Variants in ATRN observed in about 807,000 individuals in gnomAD.
The protein encoded by ATRN is attractin-2.
Under a neutral mutation model 178.7 loss-of-function variants are expected in ATRN, and 54 were observed. That is an observed-to-expected ratio of 0.30 (90% CI 0.24 to 0.38). The LOEUF is 0.38. Among genes scored for constraint, ATRN ranks in the 10% least tolerant of loss-of-function variants. The pLI is 1.00. For synonymous variants in ATRN, 636 were observed against 663.0 expected, an observed-to-expected ratio of 0.96 and a Z score of 0.63; for missense variants, 1,443 against 1,815.1, an observed-to-expected ratio of 0.79 and a Z score of 3.73.
chr20:3,535,616 CACACACACACATAT>C (rs920163544), intron 2 of ATRN, among the ~76,000 whole-genome samples: 1 of 145,230 alleles, frequency 6.9e-6, no homozygotes, highest in South Asian at 2.1e-4. Context: ...CACACACACA[CACACACACACATAT>C]ATATTTATTT....
intron 19 of ATRN, 70 bp from the exon 20 acceptor site, chr20:3,594,409 T>G: frequency 7.5e-7 from 1 of 1,335,972 alleles, no homozygotes; most frequent in African/African-American, 1.4e-5. Context: ...TTGCTTGTTT[T>G]GGAAAAAGTC....
At chr20:3,506,685 C>T (rs576836693) in intron 1 of ATRN, among the ~76,000 whole-genome samples, 6 of 150,412 alleles carry the variant, frequency 4.0e-5, no homozygotes, top group African/African-American at 1.5e-4. Context: ...TGGAACAGAC[C>T]AGAAAAGGCC....
At chr20:3,499,753 C>A (rs544149702) in intron 1 of ATRN, among the ~76,000 whole-genome samples, 2 of 150,936 alleles carry the variant, frequency 1.3e-5, no homozygotes, top group East Asian at 1.9e-4. Context: ...CTAGGCATTA[C>A]CATTCAGGAC....
chr20:3,530,628 C>T (rs1232761601), intron 1 of ATRN, among the ~76,000 whole-genome samples: 4 of 151,680 alleles, frequency 2.6e-5, no homozygotes, highest in East Asian at 1.9e-4. Flanking sequence ...GATGAAAATA[C>T]GAGTATAAGG....
intron 1 of ATRN, chr20:3,489,819 T>C: frequency 3.2e-6 from 4 of 1,250,154 alleles, no homozygotes; most frequent in Non-Finnish European, 4.7e-6. Context: ...CTCACAGTTA[T>C]AGTTGATATT....
At chr20:3,609,748 GTGTA>G (rs939897350) in intron 24 of ATRN, among the ~76,000 whole-genome samples, 18 of 146,390 alleles carry the variant, frequency 1.2e-4, no homozygotes, top group Non-Finnish European at 2.7e-4. Context: ...GTGTGTGTGT[GTGTA>G]TAAAATAAAA....
rs1359455735 is a variant in ATRN, at chr20:3,554,586, G to A, written c.1113-4807G>A. ...CCTGACCTCGTGATCTGCCCGCCTC[G>A]GCCTCCCAAAGTGCTGGGATTACAG... is the stretch of plus-strand genomic sequence containing the variant. On this transcript the variant is annotated intron_variant, in intron 6 of 28. Transcript: ENST00000262919. 5.9e-5 allele frequency among the ~76,000 whole-genome samples: 9 copies of A among 151,946 alleles called. No individual in the cohort carries two copies. In the East Asian group the frequency reaches 9.7e-4, roughly 16 times the overall value.
At chr20:3,588,242 T>G (rs903583597) in intron 18 of ATRN, among the ~76,000 whole-genome samples, 1 of 152,220 alleles carries the variant, frequency 6.6e-6, no homozygotes, top group Non-Finnish European at 1.5e-5. Context: ...TTTTATAGTT[T>G]TCAGTGTACA....
intron 1 of ATRN, among the ~76,000 whole-genome samples, chr20:3,478,909 A>G (rs570752232): frequency 6.8e-6 from 1 of 146,866 alleles, no homozygotes; most frequent in African/African-American, 2.5e-5. Flanking sequence ...TCTATAATCT[A>G]TAATTCATAC....
At chr20:3,646,301 C>G (rs777216797) in intron 28 of ATRN, among the ~76,000 whole-genome samples, 11 of 152,106 alleles carry the variant, frequency 7.2e-5, no homozygotes, top group Non-Finnish European at 1.5e-4. Flanking sequence ...TTTCTCGGCT[C>G]CTTTTGGAGG....
chr20:3,482,889 A>G (rs2084641111), intron 1 of ATRN, among the ~76,000 whole-genome samples: 1 of 152,198 alleles, frequency 6.6e-6, no homozygotes, highest in African/African-American at 2.4e-5. Context: ...AATATGAAAT[A>G]TTTGAAGCCT....
rs752712095 is a variant in ATRN, at chr20:3,471,061, C to G, written c.-47C>G. ...GCCAGGCGAAGCGGAGCCGGCCGTG[C>G]GGTGTGTGTGTATGTGTTCGCGGGG... is the stretch of plus-strand genomic sequence containing the variant. On this transcript the variant is annotated 5_prime_UTR_variant, in exon 1 of 29. Transcript: ENST00000262919. The G allele has an allele frequency of 7.5e-6, 11 of 1,464,642 alleles. No homozygotes were observed. Among genetic ancestry groups the G allele is most frequent in the African/African-American group, 2.9e-5 (2 of 67,856 alleles). 90.7% of individuals were successfully genotyped at this position (1,464,642 alleles called of 1,614,324 possible). A position where few individuals can be genotyped will look rare whatever the true frequency, so the allele number is the denominator to read the frequency against.
intron 3 of ATRN, among the ~76,000 whole-genome samples, chr20:3,541,577 T>G (rs1226876116): frequency 1.3e-5 from 2 of 152,232 alleles, no homozygotes; most frequent in Non-Finnish European, 2.9e-5. Context: ...CTTACTGTAC[T>G]GAATACTGTA....
intron 1 of ATRN, among the ~76,000 whole-genome samples, chr20:3,474,302 T>G (rs1467076575): frequency 1.3e-5 from 2 of 152,198 alleles, no homozygotes; most frequent in African/African-American, 4.8e-5. Context: ...TGCTGTTTCC[T>G]GGGTAGACAA....
At chr20:3,471,883 G>T (rs995081732) in intron 1 of ATRN, among the ~76,000 whole-genome samples, 4 of 152,206 alleles carry the variant, frequency 2.6e-5, no homozygotes, top group African/African-American at 9.6e-5. Flanking sequence ...AGGTTTGCTT[G>T]AACACTTCCT....
rs756987532 is a variant in ATRN at position 3,560,741 on chromosome 20, A to G, written c.1283A>G (p.Asn428Ser). The G allele has an allele frequency of 3.1e-6, 5 of 1,614,008 alleles. No individual in the cohort carries two copies. The Admixed American group carries it at 8.3e-5, about 27-fold the overall frequency. The part of the protein sequence containing the change: ...TNELRVFHIH[N>S]ESWVLLTPKA... ...GAGTTGAGAGTTTTTCACATTCATA[A>G]TGAGTCATGGGTGTTGTTGACCCCT... The change falls in exon 8 of 29, where the codon AAT (asparagine) becomes AGT (serine). Residue 428 changes from asparagine to serine, a missense_variant. Around this residue, in one of 4 missense-constraint regions of ATRN, gnomAD observed 862 missense variants for 972.1 expected, o/e 0.89. Transcript: ENST00000262919.
At chr20:3,517,316 A>G (rs927561330) in intron 1 of ATRN, among the ~76,000 whole-genome samples, 3 of 152,032 alleles carry the variant, frequency 2.0e-5, no homozygotes, top group East Asian at 1.9e-4. Context: ...AAAAAAATCT[A>G]TTTATCCATG....
chr20:3,556,465 T>A (rs1342111076), intron 6 of ATRN, among the ~76,000 whole-genome samples: 1 of 152,168 alleles, frequency 6.6e-6, no homozygotes, highest in African/African-American at 2.4e-5. Context: ...CCTTGGTCTT[T>A]AGGTGGCCCG....
At chr20:3,509,130 T>A (rs1407437818) in intron 1 of ATRN, among the ~76,000 whole-genome samples, 1 of 152,154 alleles carries the variant, frequency 6.6e-6, no homozygotes, top group Non-Finnish European at 1.5e-5. Context: ...AGACAGTAGA[T>A]TTAATGCCAG....
Sources: gnomAD v4.1 joint callset for allele counts (sites outside exome capture counted in the v4.1 genomes callset) on GRCh38, gnomAD v4.1.1 for gene constraint, gnomAD v4.1.1 regional missense constraint, MANE v1.5 for transcripts, NCBI Gene and HGNC (gene_info 2026-07-23, HGNC 2026-07-21) for gene names.